Variants in GLIS1 observed in about 807,000 individuals in gnomAD.
GLIS1 encodes the protein zinc finger protein GLIS1.
GLIS1 carries 24 observed loss-of-function variants against 63.8 expected under a neutral mutation model. The ratio of observed to expected loss-of-function variants is 0.38; its 90% confidence interval spans 0.27 to 0.53. The LOEUF is 0.53. Ranked by LOEUF, GLIS1 falls within the 20% of genes least tolerant of loss-of-function variation. The pLI, the probability that GLIS1 is intolerant of heterozygous loss-of-function variation, is 0.85. For missense variants in GLIS1, 1,036 were observed against 1,074.1 expected, an observed-to-expected ratio of 0.96 and a Z score of 0.50; for synonymous variants, 450 against 482.5, an observed-to-expected ratio of 0.93 and a Z score of 0.88.
chr1:53,717,569 C>T (rs1426376559), intron 2 of GLIS1, among the ~76,000 whole-genome samples: 2 of 152,180 alleles, frequency 1.3e-5, no homozygotes, highest in Non-Finnish European at 2.9e-5. Context: ...ACCCCCACTT[C>T]ACCCAATACA....
chr1:53,545,034 G>C (rs976001153), intron 4 of GLIS1, among the ~76,000 whole-genome samples: 1 of 152,190 alleles, frequency 6.6e-6, no homozygotes, highest in African/African-American at 2.4e-5. Context: ...GATCCTTAGG[G>C]CAGGCTCTTC....
intron 2 of GLIS1, among the ~76,000 whole-genome samples, chr1:53,689,855 C>T (rs866224187): frequency 6.6e-6 from 1 of 152,206 alleles, no homozygotes; most frequent in African/African-American, 2.4e-5. Flanking sequence ...CCTCAGGCCC[C>T]TGGCCCTCAC....
At chr1:53,521,853 A>C (rs1159181574) in intron 6 of GLIS1, among the ~76,000 whole-genome samples, 3 of 152,238 alleles carry the variant, frequency 2.0e-5, no homozygotes, top group Non-Finnish European at 4.4e-5. Flanking sequence ...TGGGGCAGGC[A>C]CCTGGGAAGG....
intron 2 of GLIS1, among the ~76,000 whole-genome samples, chr1:53,727,042 G>T (rs1429193324): frequency 6.6e-6 from 1 of 152,176 alleles, no homozygotes; most frequent in Non-Finnish European, 1.5e-5. Context: ...CCATGAGACA[G>T]GAACTATCTC....
intron 2 of GLIS1, among the ~76,000 whole-genome samples, chr1:53,714,401 A>C (rs963266362): frequency 6.6e-6 from 1 of 152,234 alleles, no homozygotes. Flanking sequence ...TTTTGTATTA[A>C]AAAATAAAAG....
At chr1:53,687,953 C>T (rs1347898074) in intron 2 of GLIS1, among the ~76,000 whole-genome samples, 2 of 152,188 alleles carry the variant, frequency 1.3e-5, no homozygotes, top group South Asian at 2.1e-4. Context: ...CAAGCGGGCC[C>T]GGCTGTGCCC....
Position 53,508,093 on chromosome 1 carries a change from C to T in GLIS1, c.2230+1027G>A, listed in dbSNP as rs1209937725. 2.6e-5 allele frequency among the ~76,000 whole-genome samples: 4 copies of T among 152,290 alleles called. No homozygotes were observed. In the South Asian group the frequency reaches 6.2e-4, roughly 24 times the overall value. On this transcript the variant is annotated intron_variant, in intron 10 of 10. Transcript: ENST00000628545. ...CACGTCTGTGGAAACAGCCATGAGT[C>T]GTGGGGTGGGTGACACAATGTGCAC...
intron 2 of GLIS1, among the ~76,000 whole-genome samples, chr1:53,636,541 A>C (rs1645723592): frequency 6.6e-6 from 1 of 152,252 alleles, no homozygotes; most frequent in Non-Finnish European, 1.5e-5. Flanking sequence ...TGGAAGCAAG[A>C]CGTCTGCCAT....
Position 53,630,444 on chromosome 1 carries a change from A to G in GLIS1, c.260-30166T>C, listed in dbSNP as rs79836880. 5.3e-5 allele frequency among the ~76,000 whole-genome samples: 8 copies of G among 152,238 alleles called. No homozygotes were observed. In the East Asian group the frequency reaches 1.4e-3, roughly 26 times the overall value. ...CACACTGTCAAACTGCCCTCCAGAAAGATCAGCCCAATTTATACTCCCACC... is the reference window on the plus strand; with the variant it reads ...CACACTGTCAAACTGCCCTCCAGAAGGATCAGCCCAATTTATACTCCCACC... On this transcript the variant is annotated intron_variant, in intron 2 of 10. Coordinates refer to ENST00000628545, the MANE Select transcript of GLIS1 (RefSeq NM_001367484.1).
intron 2 of GLIS1, among the ~76,000 whole-genome samples, chr1:53,703,075 G>A (rs905451099): frequency 1.1e-4 from 16 of 152,356 alleles, no homozygotes; most frequent in Admixed American, 7.8e-4. Context: ...AGCTCCTTGA[G>A]CCTCTGCTAC....
In GLIS1 at chr1:53,539,319, C is replaced by T. The variant is rs567472248; in HGVS notation, c.1321-9367G>A. On this transcript the variant is annotated intron_variant, in intron 4 of 10. Coordinates refer to ENST00000628545, the MANE Select transcript of GLIS1 (RefSeq NM_001367484.1). This position sits in a 1 kb window ranked among gnomAD's most constrained non-coding sequence, Gnocchi z 5.0. ...ACACACTACACCTAAACACACACAC[C>T]CCAATTCACCCACACATACCATATC... Among the ~76,000 whole-genome samples, 36 of 149,730 alleles carry T rather than the reference C, an allele frequency of 2.4e-4. No homozygotes were observed. The highest frequency in any genetic ancestry group is 7.9e-4 in the African/African-American group (32 of 40,388).
chr1:53,508,443 T>C (rs919049218), intron 10 of GLIS1, among the ~76,000 whole-genome samples: 15 of 152,136 alleles, frequency 9.9e-5, no homozygotes, highest in Non-Finnish European at 1.8e-4. Flanking sequence ...CCTGGAAACC[T>C]CCTGTTAGAC....
rs747978637 is a variant in GLIS1 at position 53,509,202 on chromosome 1, G to A, written c.2148C>T (p.Asp716=). ...YRMAEPAAGG[D]GLVGETHGFN... is the part of the protein sequence containing the mutation. ...AACCGTGGGTCTCCCCGACCAGTCC[G>A]TCCCCACCGGCTGCTGGTTCAGCCA... Residue 716 remains aspartate, a synonymous_variant, in exon 10 of 11, where the codon GAC becomes GAT. Coordinates refer to ENST00000628545, the MANE Select transcript of GLIS1 (RefSeq NM_001367484.1). 1.3e-5 allele frequency: 20 copies of A among 1,598,506 alleles called. No individual in the cohort carries two copies. The highest frequency in any genetic ancestry group is 3.4e-5 in the South Asian group (3 of 88,108).
At chr1:53,614,055 A>G (rs1001983821) in intron 2 of GLIS1, among the ~76,000 whole-genome samples, 1 of 152,240 alleles carries the variant, frequency 6.6e-6, no homozygotes, top group African/African-American at 2.4e-5. Flanking sequence ...GCAAATCAAT[A>G]CATCAAATGT....
At chr1:53,533,114 G>C (rs1644547802) in intron 4 of GLIS1, among the ~76,000 whole-genome samples, 1 of 152,256 alleles carries the variant, frequency 6.6e-6, no homozygotes, top group Non-Finnish European at 1.5e-5. Flanking sequence ...GGCCTGGAAT[G>C]CCTTTCCTTT....
At chr1:53,702,411 A>T (rs1037613608) in intron 2 of GLIS1, among the ~76,000 whole-genome samples, 1 of 152,252 alleles carries the variant, frequency 6.6e-6, no homozygotes, top group Non-Finnish European at 1.5e-5. Context: ...ATTAGCACAC[A>T]TGAGCATGAA....
chr1:53,677,706 C>A (rs1017276934), intron 2 of GLIS1, among the ~76,000 whole-genome samples: 3 of 152,262 alleles, frequency 2.0e-5, no homozygotes, highest in Non-Finnish European at 4.4e-5. Context: ...GCGAGGAGCA[C>A]CTTCACTTCA....
intron 2 of GLIS1, among the ~76,000 whole-genome samples, chr1:53,611,429 C>T (rs1382090446): frequency 6.6e-6 from 1 of 152,214 alleles, no homozygotes; most frequent in East Asian, 1.9e-4. Context: ...ATAACACCAA[C>T]ATCTGGACTA....
intron 5 of GLIS1, among the ~76,000 whole-genome samples, chr1:53,529,177 C>T (rs1644502400): frequency 6.6e-6 from 1 of 152,204 alleles, no homozygotes; most frequent in Non-Finnish European, 1.5e-5. Context: ...AATAAAGCTG[C>T]TGTTACCTAT....
Sources: allele counts gnomAD v4.1 joint callset (sites outside exome capture counted in the v4.1 genomes callset), GRCh38; gene constraint gnomAD v4.1.1; non-coding constraint Gnocchi (gnomAD v3.1); transcripts MANE v1.5; gene names NCBI Gene and HGNC (gene_info 2026-07-23, HGNC 2026-07-21).